The following DNAH12 variants were observed in gnomAD, a reference collection of about 807,000 sequenced individuals.
The protein encoded by DNAH12 is dynein axonemal heavy chain 12, also known as axonemal beta dynein heavy chain 12.
A neutral mutation model predicts 371.5 loss-of-function variants in DNAH12; 285 were observed. The ratio of observed to expected loss-of-function variants is 0.77; its 90% CI spans 0.70 to 0.85. DNAH12 has a LOEUF of 0.85. Among genes scored for constraint, DNAH12 ranks in the 40% least tolerant of loss-of-function variants. The probability of loss-of-function intolerance (pLI) is 0.00; values close to 1 mark genes in which losing one functional copy is unlikely to be tolerated. For missense variants in DNAH12, 3,611 were observed against 3,689.4 expected, an observed-to-expected ratio of 0.98 and a Z score of 0.55; for synonymous variants, 1,200 against 1,213.0, an observed-to-expected ratio of 0.99 and a Z score of 0.22.
At chr3:57,337,817 T>C (rs537971058) in intron 60 of DNAH12, among the ~76,000 whole-genome samples, 2 of 152,250 alleles carry the variant, frequency 1.3e-5, no homozygotes, top group East Asian at 3.9e-4. Flanking sequence ...GGACAGATCA[T>C]CTAGACAGAA....
intron 2 of DNAH12, among the ~76,000 whole-genome samples, chr3:57,536,979 T>C (rs1472125340): frequency 6.6e-6 from 1 of 152,170 alleles, no homozygotes; most frequent in Non-Finnish European, 1.5e-5. Flanking sequence ...GGCAGGTAGA[T>C]CACTTGAGTT....
intron 13 of DNAH12, among the ~76,000 whole-genome samples, chr3:57,474,800 T>C (rs1417523154): frequency 6.6e-6 from 1 of 151,892 alleles, no homozygotes; most frequent in African/African-American, 2.4e-5. Flanking sequence ...CTACTAAAAA[T>C]ACAAAAATTA....
the DNAH12 span, among the ~76,000 whole-genome samples, chr3:57,553,981 C>T: frequency 1.3e-5 from 2 of 151,462 alleles, no homozygotes; most frequent in South Asian, 2.1e-4. Context: ...AACACCACTG[C>T]GCCCGGCTAA....
chr3:57,433,152 AAT>A (rs1241998231), intron 32 of DNAH12, among the ~76,000 whole-genome samples: 2 of 147,032 alleles, frequency 1.4e-5, no homozygotes, highest in Non-Finnish European at 3.0e-5. Context: ...CAGTAATTTT[AAT>A]ACAATATACT....
intron 43 of DNAH12, among the ~76,000 whole-genome samples, chr3:57,395,915 C>A (rs2063727034): frequency 1.3e-5 from 2 of 151,648 alleles, no homozygotes; most frequent in South Asian, 2.1e-4. Context: ...TATGATCATG[C>A]CACTGTATTC....
At chr3:57,496,953 G>A (rs2067343670) in intron 11 of DNAH12, among the ~76,000 whole-genome samples, 1 of 151,488 alleles carries the variant, frequency 6.6e-6, no homozygotes, top group South Asian at 2.1e-4. Context: ...TAGGCAACAA[G>A]AGTGAAACTC....
intron 60 of DNAH12, among the ~76,000 whole-genome samples, chr3:57,346,461 C>T (rs6809655): frequency 0.094 from 14,221 of 151,784 alleles, 2,180 homozygotes; most frequent in African/African-American, 0.32. Context: ...AATTGATCTG[C>T]TAAGAGAAGA....
chr3:57,382,514 GTTTT>G (rs36129650), intron 49 of DNAH12, 121 bp from the exon 50 acceptor site: 1 of 148,746 alleles, frequency 6.7e-6, no homozygotes, highest in African/African-American at 2.5e-5. Context: ...TGAAATCAAA[GTTTT>G]TTTTTTTTCT....
chr3:57,433,788 C>T lies in DNAH12; in HGVS notation c.4696G>A (p.Val1566Ile), dbSNP rs925324144. The change falls in exon 31 of 74, where the codon GTT becomes ATT. Residue 1566 changes from valine to isoleucine, a missense_variant. Val to Ile is a conservative substitution (Grantham distance 29, BLOSUM62 3). Transcript: ENST00000495027. ...VGEPFAAKTK[V>I]LHVLADTLTL... The stretch of plus-strand genomic sequence containing the variant: ...AGCGTATCCGCCAGCACATGCAGAA[C>T]TTTTGTCTTAGCAGCAAAAGGCTCT... The T allele has an allele frequency of 6.5e-7, 1 of 1,548,514 alleles. No homozygotes were observed. Among genetic ancestry groups the T allele is most frequent in the Non-Finnish European group, 8.7e-7 (1 of 1,146,204 alleles).
At chr3:57,319,041 T>C (rs997797776) in intron 65 of DNAH12, among the ~76,000 whole-genome samples, 11 of 152,222 alleles carry the variant, frequency 7.2e-5, no homozygotes, top group Non-Finnish European at 1.3e-4. Context: ...CTTTAACTTA[T>C]TGCATCAATG....
intron 29 of DNAH12, among the ~76,000 whole-genome samples, chr3:57,442,041 G>T (rs1407030370): frequency 2.0e-5 from 3 of 152,134 alleles, no homozygotes; most frequent in African/African-American, 7.2e-5. Context: ...CTGGGCGCAG[G>T]GTGGGGTGGG....
intron 35 of DNAH12, among the ~76,000 whole-genome samples, chr3:57,422,456 A>C (rs1268586520): frequency 6.6e-6 from 1 of 152,030 alleles, no homozygotes; most frequent in Non-Finnish European, 1.5e-5. Flanking sequence ...AGCCTCCCAA[A>C]GTGCTGGGAT....
intron 66 of DNAH12, among the ~76,000 whole-genome samples, chr3:57,311,907 G>A (rs929098236): frequency 2.0e-5 from 3 of 152,060 alleles, no homozygotes; most frequent in South Asian, 2.1e-4. Flanking sequence ...ACTATCATTT[G>A]CATAGTTTTT....
At chr3:57,335,675 T>A (rs1008817486) in intron 60 of DNAH12, among the ~76,000 whole-genome samples, 5 of 152,240 alleles carry the variant, frequency 3.3e-5, no homozygotes, top group African/African-American at 1.2e-4. Flanking sequence ...TATGGTATTA[T>A]AATCTTATGG....
chr3:57,541,295 C>T (rs749477065), intron 2 of DNAH12, among the ~76,000 whole-genome samples: 3 of 152,108 alleles, frequency 2.0e-5, no homozygotes, highest in Non-Finnish European at 2.9e-5. Context: ...CCACCTCAGC[C>T]TCCCAAAGTG....
intron 65 of DNAH12, among the ~76,000 whole-genome samples, chr3:57,315,033 CA>C (rs2061657516): frequency 6.6e-6 from 1 of 152,018 alleles, no homozygotes; most frequent in South Asian, 2.1e-4. Context: ...GAATAAATCC[CA>C]ATATGTCATT....
chr3:57,445,232 A>C lies in DNAH12; in HGVS notation c.4367T>G (p.Val1456Gly). 1.9e-6 allele frequency: 3 copies of C among 1,550,660 alleles called. No individual in the cohort carries two copies. The highest frequency in any genetic ancestry group is 2.6e-6 in the Non-Finnish European group (3 of 1,146,360). ...TTTTAGATTGCCAGCAGCCACTAAAACGGCTTTTACTGCTCGCATTCCATA... is the reference window on the plus strand; with the variant it reads ...TTTTAGATTGCCAGCAGCCACTAAACCGGCTTTTACTGCTCGCATTCCATA... Reference protein sequence around the residue: ...YDYGMRAVKAVLVAAGNLKLK... With the variant: ...YDYGMRAVKAGLVAAGNLKLK... Residue 1456 changes from valine (V) to glycine (G), a missense_variant, in exon 28 of 74, where the codon GTT (valine) becomes GGT (glycine). Coordinates refer to ENST00000495027, the MANE Select transcript of DNAH12 (RefSeq NM_001366028.2).
chr3:57,406,031 A>C, intron 40 of DNAH12, 79 bp from the exon 41 acceptor site: 1 of 1,374,414 alleles, frequency 7.3e-7, no homozygotes, highest in Non-Finnish European at 9.8e-7. Context: ...AATGTTATAC[A>C]AAATATTTTA....
intron 58 of DNAH12, among the ~76,000 whole-genome samples, chr3:57,359,955 T>C (rs1005820637): frequency 1.4e-4 from 22 of 152,338 alleles, no homozygotes; most frequent in South Asian, 1.2e-3. Flanking sequence ...TTTAAAACTA[T>C]GTTTGCAATG....
Sources: gnomAD v4.1 joint callset for allele counts (sites outside exome capture counted in the v4.1 genomes callset) on GRCh38, gnomAD v4.1.1 for gene constraint, MANE v1.5 for transcripts, NCBI Gene and HGNC (gene_info 2026-07-23, HGNC 2026-07-21) for gene names.